Variants in HS6ST3 observed in about 807,000 individuals in gnomAD.
The protein encoded by HS6ST3 is heparan sulfate 6-O-sulfotransferase 3.
Under a neutral mutation model 36.7 loss-of-function variants are expected in HS6ST3, and 12 were observed. The observed-to-expected ratio is 0.33, with a 90% confidence interval of 0.21 to 0.53. The LOEUF is 0.53. Among genes scored for constraint, HS6ST3 ranks in the 20% least tolerant of loss-of-function variants. The pLI is 0.95. For synonymous variants in HS6ST3, 240 were observed against 257.5 expected (o/e 0.93, Z 0.65); for missense variants, 584 against 640.9 (o/e 0.91, Z 0.96).
chr13:96,564,920 C>A (rs2138957926), intron 1 of HS6ST3, among the ~76,000 whole-genome samples: 1 of 152,256 alleles, frequency 6.6e-6, no homozygotes, highest in South Asian at 2.1e-4. Context: ...TCACCTGTGT[C>A]TTTGATGAGA....
At chr13:96,333,990 G>T (rs771279336) in intron 1 of HS6ST3, among the ~76,000 whole-genome samples, 2 of 152,124 alleles carry the variant, frequency 1.3e-5, no homozygotes, top group Non-Finnish European at 2.9e-5. Flanking sequence ...GGGACATAGG[G>T]TACCTGTCTG....
intron 1 of HS6ST3, among the ~76,000 whole-genome samples, chr13:96,402,106 C>T (rs1032492390): frequency 2.0e-5 from 3 of 152,224 alleles, no homozygotes; most frequent in East Asian, 3.9e-4. Flanking sequence ...CTCAAGTAGC[C>T]GAGGTTACAG....
At chr13:96,523,371 T>A (rs1324347201) in intron 1 of HS6ST3, among the ~76,000 whole-genome samples, 3 of 152,158 alleles carry the variant, frequency 2.0e-5, no homozygotes, top group African/African-American at 7.2e-5. Flanking sequence ...GGAGTATCTT[T>A]GTGGTGTTCT....
At position 96,556,325 on chromosome 13, in the gene HS6ST3, G is replaced by A. The variant is rs547960098; in HGVS notation, c.708-276165G>A. 1.6e-3 allele frequency among the ~76,000 whole-genome samples: 251 copies of A among 152,236 alleles called. 1 individual carries two copies. The highest frequency in any genetic ancestry group is 5.7e-3 in the African/African-American group (237 of 41,550). ...TATACGACTTAAAAGAAGAAACCCC[G>A]CTGGACTTGGAGGAAAGAGATTTAG... On this transcript the variant is annotated intron_variant, in intron 1 of 1. Transcript: ENST00000376705.
intron 1 of HS6ST3, among the ~76,000 whole-genome samples, chr13:96,288,761 A>G (rs1345378016): frequency 1.3e-5 from 2 of 152,126 alleles, no homozygotes; most frequent in Non-Finnish European, 2.9e-5. Flanking sequence ...AGAGAAAAAG[A>G]TGCCTTATTT....
At chr13:96,473,560 A>G (rs987408731) in intron 1 of HS6ST3, among the ~76,000 whole-genome samples, 1 of 152,194 alleles carries the variant, frequency 6.6e-6, no homozygotes, top group African/African-American at 2.4e-5. Context: ...GTTTCTTGTC[A>G]TCTCACCTCT....
intron 1 of HS6ST3, among the ~76,000 whole-genome samples, chr13:96,163,480 T>C (rs558800928): frequency 2.4e-4 from 36 of 152,098 alleles, no homozygotes; most frequent in Admixed American, 4.6e-4. Flanking sequence ...CCGCCCGCCT[T>C]GACCTCCCAA....
At chr13:96,401,789 G>C (rs1437614207) in intron 1 of HS6ST3, among the ~76,000 whole-genome samples, 1 of 152,080 alleles carries the variant, frequency 6.6e-6, no homozygotes, top group Non-Finnish European at 1.5e-5. Flanking sequence ...TGCCAGGCTG[G>C]TCTCGAACTC....
chr13:96,629,540 C>T (rs935723629), intron 1 of HS6ST3, among the ~76,000 whole-genome samples: 2 of 152,110 alleles, frequency 1.3e-5, no homozygotes, highest in East Asian at 1.9e-4. Flanking sequence ...GTCATGCATG[C>T]GTTCTCTCAA....
At chr13:96,751,404 C>T (rs1342692734) in intron 1 of HS6ST3, among the ~76,000 whole-genome samples, 2 of 152,024 alleles carry the variant, frequency 1.3e-5, no homozygotes, top group East Asian at 3.9e-4. Context: ...CCCAGGAATC[C>T]TGAGAGCCAC....
At chr13:96,527,632 C>T (rs192649284) in intron 1 of HS6ST3, among the ~76,000 whole-genome samples, 32 of 152,262 alleles carry the variant, frequency 2.1e-4, no homozygotes, top group South Asian at 1.7e-3. Context: ...ATCCCTTGAA[C>T]AGAAACTACA....
At chr13:96,206,938 G>A (rs1339209849) in intron 1 of HS6ST3, among the ~76,000 whole-genome samples, 1 of 152,034 alleles carries the variant, frequency 6.6e-6, no homozygotes, top group Non-Finnish European at 1.5e-5. Flanking sequence ...GCAATTGCAA[G>A]AAAAGCAAAA....
chr13:96,464,244 C>T (rs557951960), intron 1 of HS6ST3, among the ~76,000 whole-genome samples: 1 of 151,006 alleles, frequency 6.6e-6, no homozygotes, highest in Non-Finnish European at 1.5e-5. Flanking sequence ...TCCTTACCCC[C>T]CTACCCAGTT....
chr13:96,515,520 C>T (rs1353325822), intron 1 of HS6ST3, among the ~76,000 whole-genome samples: 1 of 152,218 alleles, frequency 6.6e-6, no homozygotes, highest in Non-Finnish European at 1.5e-5. Context: ...TGCCTTTGCA[C>T]ACTCTTACTC....
At position 96,616,872 on chromosome 13, in the gene HS6ST3, G is replaced by A. The variant is rs113295809; in HGVS notation, c.708-215618G>A. On this transcript the variant is annotated intron_variant, in intron 1 of 1. Transcript: ENST00000376705. ...GTCAGTAAATTTCTGTTGAATAAACGAAGGGCCTCATAGGCTTCCAACAAA... is the reference window on the plus strand; with the variant it reads ...GTCAGTAAATTTCTGTTGAATAAACAAAGGGCCTCATAGGCTTCCAACAAA... Among the ~76,000 whole-genome samples, 33 of 152,096 alleles carry A rather than the reference G, an allele frequency of 2.2e-4. 2 individuals are homozygous for A. The highest frequency in any genetic ancestry group is 7.7e-4 in the African/African-American group (32 of 41,398).
intron 1 of HS6ST3, among the ~76,000 whole-genome samples, chr13:96,114,739 A>G (rs2053885867): frequency 6.6e-6 from 1 of 152,218 alleles, no homozygotes. Context: ...TAAGATATAG[A>G]TGGGTGTAAA....
chr13:96,103,588 A>G lies in HS6ST3; in HGVS notation c.707+12019A>G, dbSNP rs573834443. Among the ~76,000 whole-genome samples the G allele has an allele frequency of 3.3e-4, 51 of 152,308 alleles. No homozygotes were observed. In the South Asian group the frequency reaches 0.01, roughly 30 times the overall value. The stretch of plus-strand genomic sequence containing the variant: ...CCTGTTTTTTTGGAGTTGTGGGGTG[A>G]GAAAATGACTACGAAGGCACTTCGT... On this transcript the variant is annotated intron_variant, in intron 1 of 1. Coordinates refer to ENST00000376705, the MANE Select transcript of HS6ST3 (RefSeq NM_153456.4).
intron 1 of HS6ST3, among the ~76,000 whole-genome samples, chr13:96,239,340 C>A (rs2054549584): frequency 6.6e-6 from 1 of 152,132 alleles, no homozygotes; most frequent in Admixed American, 6.5e-5. Context: ...TTGTCTTATG[C>A]CTTAGAGTGT....
intron 1 of HS6ST3, among the ~76,000 whole-genome samples, chr13:96,662,409 G>A (rs578057855): frequency 2.6e-5 from 4 of 152,078 alleles, no homozygotes; most frequent in Middle Eastern, 3.4e-3. Flanking sequence ...AAGCTTTAAA[G>A]TCTACTTTGT....
Sources: allele counts gnomAD v4.1 joint callset (sites outside exome capture counted in the v4.1 genomes callset), GRCh38; gene constraint gnomAD v4.1.1; transcripts MANE v1.5; gene names NCBI Gene and HGNC (gene_info 2026-07-23, HGNC 2026-07-21).